Variants in RAPGEF4 observed in about 807,000 individuals in gnomAD.
RAPGEF4 encodes RAP guanine-nucleotide-exchange factor (GEF) 4.
In RAPGEF4, 66 loss-of-function variants were observed where a neutral mutation model predicts 147.9. That is an observed-to-expected ratio of 0.45 (90% confidence interval 0.37 to 0.55). The LOEUF (loss-of-function observed/expected upper bound fraction) is 0.55. Among genes scored for constraint, RAPGEF4 ranks in the 20% least tolerant of loss-of-function variants. The probability of loss-of-function intolerance (pLI) is 0.00; values close to 1 mark genes in which losing one functional copy is unlikely to be tolerated. For missense variants in RAPGEF4, 1,071 were observed against 1,257.3 expected, an observed-to-expected ratio of 0.85 and a Z score of 2.24; for synonymous variants, 419 against 442.7, an observed-to-expected ratio of 0.95 and a Z score of 0.67.
intron 6 of RAPGEF4, among the ~76,000 whole-genome samples, chr2:172,960,432 G>C (rs1689164472): frequency 6.6e-6 from 1 of 151,990 alleles, no homozygotes; most frequent in Non-Finnish European, 1.5e-5. Context: ...ATCTTGTTTT[G>C]CTTTTTCCTC....
At chr2:172,852,109 C>A (rs12618968) in intron 4 of RAPGEF4, among the ~76,000 whole-genome samples, 23,563 of 152,108 alleles carry the variant, frequency 0.15, 2,170 homozygotes, top group East Asian at 0.26. Context: ...GTTTGTGTAA[C>A]TGTATAGACA....
chr2:172,996,428 C>A, intron 15 of RAPGEF4, 38 bp from the exon 16 acceptor site: 1 of 1,297,202 alleles, frequency 7.7e-7, no homozygotes, highest in Non-Finnish European at 1.1e-6. Context: ...GATTTGCCCA[C>A]TTTTGAAAAA....
chr2:172,799,559 TGGTACTTCCTTTCCC>T (rs2149559946), intron 3 of RAPGEF4, among the ~76,000 whole-genome samples: 1 of 152,348 alleles, frequency 6.6e-6, no homozygotes, highest in Admixed American at 6.5e-5. Context: ...GAGCTGCTCC[TGGTACTTCCTTTCCC>T]CAGGTTTTAC....
At chr2:172,876,801 T>C (rs1695985527) in intron 4 of RAPGEF4, among the ~76,000 whole-genome samples, 1 of 152,212 alleles carries the variant, frequency 6.6e-6, no homozygotes, top group South Asian at 2.1e-4. Context: ...TTTCTATTGA[T>C]TGGAATAGTT....
chr2:172,981,716 T>C (rs1312788844), intron 10 of RAPGEF4, among the ~76,000 whole-genome samples: 1 of 152,260 alleles, frequency 6.6e-6, no homozygotes, highest in Non-Finnish European at 1.5e-5. Context: ...CTGTGCAAAG[T>C]ATGCAGAGTT....
chr2:172,990,819 G>A lies in RAPGEF4; in HGVS notation c.1384G>A (p.Ala462Thr). 1 of 1,613,440 alleles carries A rather than the reference G, an allele frequency of 6.2e-7. No homozygotes were observed. Residue 462 changes from alanine (A) to threonine (T), a missense_variant, in exon 15 of 31, where the codon GCG becomes ACG. Transcript: ENST00000397081. ...DFNRILRDVE[A>T]NTVRLKEHDQ... ...TAATTTGTATTTGCAGGACGTGGAG[G>A]CGAATACAGTCAGACTTAAAGAACA... is the stretch of plus-strand genomic sequence containing the variant.
intron 6 of RAPGEF4, among the ~76,000 whole-genome samples, chr2:172,942,482 G>T (rs1687258629): frequency 6.7e-6 from 1 of 149,134 alleles, no homozygotes; most frequent in South Asian, 2.1e-4. Context: ...ACTCCATTTA[G>T]CCACGCTATA....
chr2:172,984,971 A>G (rs1487762122), intron 11 of RAPGEF4, among the ~76,000 whole-genome samples: 1 of 152,220 alleles, frequency 6.6e-6, no homozygotes, highest in South Asian at 2.1e-4. Flanking sequence ...TTAACTAAGA[A>G]TATAAATGTG....
intron 1 of RAPGEF4, among the ~76,000 whole-genome samples, chr2:172,793,503 G>A (rs555298308): frequency 1.3e-5 from 2 of 152,250 alleles, no homozygotes; most frequent in South Asian, 4.1e-4. Flanking sequence ...TACATTCATG[G>A]GAGCACATGG....
intron 1 of RAPGEF4, among the ~76,000 whole-genome samples, chr2:172,793,221 A>G (rs1686002953): frequency 6.6e-6 from 1 of 152,042 alleles, no homozygotes; most frequent in Non-Finnish European, 1.5e-5. Flanking sequence ...TAAGGGTGCT[A>G]GTTATTAGAT....
At chr2:172,835,033 A>G (rs1378520760) in intron 4 of RAPGEF4, among the ~76,000 whole-genome samples, 1 of 152,218 alleles carries the variant, frequency 6.6e-6, no homozygotes, top group East Asian at 1.9e-4. Flanking sequence ...TGACACCAGT[A>G]CGTTACAGAG....
At chr2:172,961,328 AT>A in intron 8 of RAPGEF4, 100 bp downstream of exon 8, 1 of 907,500 alleles carries the variant, frequency 1.1e-6, no homozygotes, top group South Asian at 1.6e-5. Context: ...GGCGCAGCCC[AT>A]TTTGTAATGC....
At chr2:172,862,084 C>T (rs2149781142) in intron 4 of RAPGEF4, among the ~76,000 whole-genome samples, 1 of 152,224 alleles carries the variant, frequency 6.6e-6, no homozygotes, top group African/African-American at 2.4e-5. Flanking sequence ...AAACCAAAGA[C>T]AAAGTGGTAG....
chr2:172,746,583 A>G (rs926348530), intron 1 of RAPGEF4, among the ~76,000 whole-genome samples: 9 of 152,134 alleles, frequency 5.9e-5, no homozygotes, highest in Non-Finnish European at 8.8e-5. Context: ...GCATATCAAA[A>G]TGGATGACTT....
rs772889049 is a variant in RAPGEF4 at position 173,017,451 on chromosome 2, A to G, written c.1955A>G (p.Asn652Ser). ...CACAAGGTTCTTTTGCAACAGTTCA[A>G]TACGGGCGATGAGAGAGCCCAGAAG... Reference protein sequence around the residue: ...KKHKVLLQQFNTGDERAQKRQ... With the variant: ...KKHKVLLQQFSTGDERAQKRQ... The change falls in exon 21 of 31, where the codon AAT becomes AGT. Residue 652 changes from asparagine (N) to serine (S), a missense_variant. Coordinates refer to ENST00000397081, the MANE Select transcript of RAPGEF4 (RefSeq NM_007023.4). 2.5e-6 allele frequency: 4 copies of G among 1,614,072 alleles called. No individual in the cohort carries two copies. The highest frequency in any genetic ancestry group is 1.3e-5 in the African/African-American group (1 of 74,930).
chr2:173,003,853 T>C (rs1201384022), intron 17 of RAPGEF4, among the ~76,000 whole-genome samples: 1 of 152,238 alleles, frequency 6.6e-6, no homozygotes, highest in Non-Finnish European at 1.5e-5. Context: ...CAGGGATGTA[T>C]AATGCAAACT....
intron 4 of RAPGEF4, among the ~76,000 whole-genome samples, chr2:172,833,266 T>G (rs1223908695): frequency 3.2e-4 from 49 of 151,430 alleles, no homozygotes; most frequent in Non-Finnish European, 4.4e-5. Context: ...TTGGGTTTTT[T>G]TTTTTTTTTT....
chr2:172,763,478 A>G lies in RAPGEF4; in HGVS notation c.65+27430A>G, dbSNP rs1235526408. 2.6e-5 allele frequency among the ~76,000 whole-genome samples: 4 copies of G among 152,212 alleles called. No homozygotes were observed. In the East Asian group the frequency reaches 5.8e-4, roughly 22 times the overall value. On this transcript the variant is annotated intron_variant, in intron 1 of 30. Coordinates refer to ENST00000397081, the MANE Select transcript of RAPGEF4 (RefSeq NM_007023.4). ...CAGATCAGACTTTGAGAACATACAC[A>G]GGGGAGATCAGATCAGATTTCCCCA...
At chr2:172,782,923 T>C (rs1684814383) in intron 1 of RAPGEF4, among the ~76,000 whole-genome samples, 1 of 152,172 alleles carries the variant, frequency 6.6e-6, no homozygotes, top group Non-Finnish European at 1.5e-5. Context: ...CCAAGCCTGA[T>C]GATCCTCTAC....
Sources: gnomAD v4.1 joint callset for allele counts (sites outside exome capture counted in the v4.1 genomes callset) on GRCh38, gnomAD v4.1.1 for gene constraint, MANE v1.5 for transcripts, NCBI Gene and HGNC (gene_info 2026-07-23, HGNC 2026-07-21) for gene names.